SLC22A14: variants seen among roughly 807,000 people sequenced by gnomAD.
SLC22A14 encodes organic cation transporter-like 4.
SLC22A14 carries 50 observed loss-of-function variants against 53.9 expected under a neutral mutation model. The observed-to-expected ratio is 0.93, with a 90% confidence interval of 0.74 to 1.17. SLC22A14 has a LOEUF of 1.17. Among genes scored for constraint, SLC22A14 ranks in the 50% most tolerant of loss-of-function variants. The probability of loss-of-function intolerance (pLI) is 0.00; values close to 1 mark genes in which losing one functional copy is unlikely to be tolerated. For synonymous variants in SLC22A14, 312 were observed against 303.0 expected, an observed-to-expected ratio of 1.03 and a Z score of -0.31; for missense variants, 671 against 734.7, an observed-to-expected ratio of 0.91 and a Z score of 1.00.
At chr3:38,308,829 G>A (rs1275177663) in intron 4 of SLC22A14, 125 bp from the exon 5 acceptor site, 1 of 851,260 alleles carries the variant, frequency 1.2e-6, no homozygotes, top group Non-Finnish European at 1.9e-6. Flanking sequence ...GCAGAGACGA[G>A]CAGAAGAAGC....
At chr3:38,294,204 G>A (rs1450215022) in intron 1 of SLC22A14, among the ~76,000 whole-genome samples, 1 of 151,036 alleles carries the variant, frequency 6.6e-6, no homozygotes, top group Non-Finnish European at 1.5e-5. Flanking sequence ...ATTAGTTGGG[G>A]AAGGAGTCGG....
intron 1 of SLC22A14, among the ~76,000 whole-genome samples, chr3:38,297,990 T>C (rs1447709194): frequency 6.6e-6 from 1 of 152,234 alleles, no homozygotes; most frequent in African/African-American, 2.4e-5. Context: ...CATCATTTTT[T>C]CTACACTTAT....
chr3:38,308,254 A>G (rs1078783), intron 4 of SLC22A14: 126,030 of 154,498 alleles, frequency 0.82, 51,562 homozygotes, highest in Non-Finnish European at 0.87. Context: ...GGAGGAGGAG[A>G]AGAAGAAGAA....
intron 1 of SLC22A14, among the ~76,000 whole-genome samples, chr3:38,286,420 T>A (rs1703792948): frequency 6.6e-6 from 1 of 151,866 alleles, no homozygotes; most frequent in Non-Finnish European, 1.5e-5. Flanking sequence ...TCTTTTCTTT[T>A]CTTTTTTTTT....
At chr3:38,280,132 G>A (rs1198360945), upstream of SLC22A14, among the ~76,000 whole-genome samples, 1 of 152,174 alleles carries the variant, frequency 6.6e-6, no homozygotes, top group Non-Finnish European at 1.5e-5. Flanking sequence ...TCTATGAGGT[G>A]TCATGAAGAG....
At chr3:38,281,305 T>C (rs1703663669), upstream of SLC22A14, among the ~76,000 whole-genome samples, 1 of 152,224 alleles carries the variant, frequency 6.6e-6, no homozygotes, top group Non-Finnish European at 1.5e-5. Flanking sequence ...GAAATTCTTT[T>C]AATTTTTTTT....
rs980376902 is a variant in SLC22A14, at chr3:38,318,104, C to T, written c.1734-94C>T. The T allele has an allele frequency of 1.5e-5, 17 of 1,160,474 alleles. 1 individual carries two copies. The South Asian group carries it at 1.8e-4, about 12-fold the overall frequency. The allele number at this position is 1,160,474 out of a possible 1,614,324, so 71.9% of individuals were successfully genotyped here. A position where few individuals can be genotyped will look rare whatever the true frequency, so the allele number is the denominator to read the frequency against. ...GTGAGAAAGCCTCACCTCTTGGGAACGCAGGGTTGGGCGCTGCTGAAGGCA... is the reference window on the plus strand; with the variant it reads ...GTGAGAAAGCCTCACCTCTTGGGAATGCAGGGTTGGGCGCTGCTGAAGGCA... On this transcript the variant is annotated intron_variant, in intron 10 of 10. Transcript: ENST00000448498.
At chr3:38,296,048 C>G (rs545188844) in intron 1 of SLC22A14, among the ~76,000 whole-genome samples, 1 of 152,280 alleles carries the variant, frequency 6.6e-6, no homozygotes, top group South Asian at 2.1e-4. Context: ...AAAGTCTGAA[C>G]CATTAGTACC....
chr3:38,310,653 T>C (rs1428249942), intron 5 of SLC22A14, among the ~76,000 whole-genome samples: 3 of 152,154 alleles, frequency 2.0e-5, no homozygotes, highest in African/African-American at 7.2e-5. Context: ...TCAGGTCCAT[T>C]CGTGGGTCTT....
rs529120513 is a variant in SLC22A14 at position 38,294,478 on chromosome 3, G to A, written c.1-11549G>A. On this transcript the variant is annotated intron_variant, in intron 1 of 10. Transcript: ENST00000448498. ...GAAAATAAGTCATTTCTTTCTTAGC[G>A]TCTGAGGGTCAAATTGGTCCCAATT... 3.3e-5 allele frequency among the ~76,000 whole-genome samples: 5 copies of A among 152,172 alleles called. No homozygotes were observed. In the East Asian group the frequency reaches 5.8e-4, roughly 18 times the overall value.
chr3:38,292,153 C>G (rs1703926363), intron 1 of SLC22A14, among the ~76,000 whole-genome samples: 1 of 152,242 alleles, frequency 6.6e-6, no homozygotes, highest in Non-Finnish European at 1.5e-5. Flanking sequence ...AAAAGTAAAT[C>G]ATCCATGTAC....
chr3:38,304,512 C>T (rs1389348520), intron 1 of SLC22A14, among the ~76,000 whole-genome samples: 3 of 152,002 alleles, frequency 2.0e-5, no homozygotes, highest in East Asian at 1.9e-4. Context: ...CTCAGCCTCC[C>T]GAGTAGCTGA....
intron 1 of SLC22A14, chr3:38,305,426 A>C (rs1187565706): frequency 1.3e-5 from 2 of 152,768 alleles, no homozygotes. Context: ...CAGAGTTTTA[A>C]GCTTAGTTTC....
intron 5 of SLC22A14, among the ~76,000 whole-genome samples, chr3:38,311,881 C>T (rs144953397): frequency 6.6e-5 from 10 of 152,300 alleles, no homozygotes; most frequent in African/African-American, 2.4e-4. Flanking sequence ...CTCTTTGTCC[C>T]TGAGAGTTGG....
At chr3:38,292,450 A>G (rs1424546861) in intron 1 of SLC22A14, among the ~76,000 whole-genome samples, 2 of 152,182 alleles carry the variant, frequency 1.3e-5, no homozygotes, top group Non-Finnish European at 2.9e-5. Context: ...GAGGGACAAC[A>G]GCCTCATTGA....
chr3:38,296,889 A>G (rs1031148829), intron 1 of SLC22A14, among the ~76,000 whole-genome samples: 1 of 152,214 alleles, frequency 6.6e-6, no homozygotes, highest in Non-Finnish European at 1.5e-5. Context: ...ACACCCTGCC[A>G]GATTCGGAGG....
intron 5 of SLC22A14, among the ~76,000 whole-genome samples, chr3:38,312,240 C>T (rs1348245709): frequency 2.0e-5 from 3 of 152,158 alleles, no homozygotes; most frequent in African/African-American, 4.8e-5. Flanking sequence ...TCTGTGTCCT[C>T]GGGCAAGCCT....
chr3:38,311,724 T>C (rs1245393080), intron 5 of SLC22A14, among the ~76,000 whole-genome samples: 1 of 152,224 alleles, frequency 6.6e-6, no homozygotes, highest in Non-Finnish European at 1.5e-5. Flanking sequence ...GTAGCAAGGA[T>C]TGCCATTTCT....
intron 1 of SLC22A14, among the ~76,000 whole-genome samples, chr3:38,290,189 T>C (rs1237119861): frequency 1.3e-5 from 2 of 152,174 alleles, no homozygotes; most frequent in African/African-American, 4.8e-5. Context: ...GTTCTCCCTC[T>C]CAACAGGAAA....
Sources: allele counts gnomAD v4.1 joint callset (sites outside exome capture counted in the v4.1 genomes callset), GRCh38; gene constraint gnomAD v4.1.1; transcripts MANE v1.5; gene names NCBI Gene and HGNC (gene_info 2026-07-23, HGNC 2026-07-21).